GALNTL6: variants seen among roughly 807,000 people sequenced by gnomAD.
GALNTL6 encodes the protein polypeptide N-acetylgalactosaminyltransferase like 6.
Under a neutral mutation model 73.7 loss-of-function variants are expected in GALNTL6, and 46 were observed. That is an observed-to-expected ratio of 0.62 (90% CI 0.49 to 0.80). GALNTL6 has a LOEUF of 0.80. Among genes scored for constraint, GALNTL6 ranks in the 30% least tolerant of loss-of-function variants. The probability of loss-of-function intolerance (pLI) is 0.00; values close to 1 mark genes in which losing one functional copy is unlikely to be tolerated. For missense variants in GALNTL6, 604 were observed against 755.0 expected (o/e 0.80, Z 2.34); for synonymous variants, 259 against 263.7 (o/e 0.98, Z 0.17).
At chr4:171,940,442 A>G (rs1738495366) in intron 2 of GALNTL6, among the ~76,000 whole-genome samples, 1 of 152,132 alleles carries the variant, frequency 6.6e-6, no homozygotes, top group Admixed American at 6.6e-5. Flanking sequence ...TCAAGAACAT[A>G]ATGGGGAGTT....
At chr4:172,917,752 G>T (rs1414386425) in intron 8 of GALNTL6, among the ~76,000 whole-genome samples, 6 of 152,204 alleles carry the variant, frequency 3.9e-5, no homozygotes, top group Non-Finnish European at 8.8e-5. Flanking sequence ...GGAAACAACA[G>T]GTGCTGGAGA....
At chr4:171,928,815 G>A (rs999483163) in intron 2 of GALNTL6, among the ~76,000 whole-genome samples, 1 of 152,162 alleles carries the variant, frequency 6.6e-6, no homozygotes, top group Non-Finnish European at 1.5e-5. Context: ...ATACCACAGA[G>A]CCTAGGTGTG....
chr4:172,314,972 C>T (rs1027942211), intron 4 of GALNTL6, among the ~76,000 whole-genome samples: 3 of 151,992 alleles, frequency 2.0e-5, no homozygotes, highest in South Asian at 2.1e-4. Context: ...AAATAAACTG[C>T]TTTTTTTGGC....
intron 5 of GALNTL6, chr4:172,667,253 T>C (rs2111194913): frequency 6.6e-6 from 1 of 152,344 alleles, no homozygotes; most frequent in South Asian, 2.1e-4. Context: ...ACTGGCTCCA[T>C]CACCTGTGTT....
intron 7 of GALNTL6, among the ~76,000 whole-genome samples, chr4:172,864,184 T>C (rs944881469): frequency 7.2e-5 from 11 of 152,186 alleles, no homozygotes; most frequent in Admixed American, 2.0e-4. Flanking sequence ...ATTAGCAGCA[T>C]GAGAACAGAC....
At chr4:172,279,482 C>G (rs1216549811) in intron 3 of GALNTL6, among the ~76,000 whole-genome samples, 1 of 152,056 alleles carries the variant, frequency 6.6e-6, no homozygotes, top group Non-Finnish European at 1.5e-5. Flanking sequence ...CACTAATCAT[C>G]AGGGAAATAC....
intron 5 of GALNTL6, among the ~76,000 whole-genome samples, chr4:172,474,883 T>C (rs1469418551): frequency 6.6e-6 from 1 of 152,190 alleles, no homozygotes; most frequent in Non-Finnish European, 1.5e-5. Context: ...TCAATACTGA[T>C]TTACATTAAT....
At chr4:172,496,413 G>C (rs779672667) in intron 5 of GALNTL6, among the ~76,000 whole-genome samples, 85 of 152,142 alleles carry the variant, frequency 5.6e-4, no homozygotes, top group Non-Finnish European at 1.0e-3. Context: ...GTTGTGGCCA[G>C]GTGCAGTGGC....
At chr4:172,396,760 G>A (rs965782212) in intron 5 of GALNTL6, among the ~76,000 whole-genome samples, 5 of 152,106 alleles carry the variant, frequency 3.3e-5, no homozygotes, top group Non-Finnish European at 5.9e-5. Flanking sequence ...ATAATTGCAT[G>A]GATGCCACTT....
intron 2 of GALNTL6, among the ~76,000 whole-genome samples, chr4:171,955,185 T>C (rs886911062): frequency 9.2e-5 from 14 of 152,148 alleles, no homozygotes; most frequent in Non-Finnish European, 2.1e-4. Context: ...GATTTTCTTT[T>C]ATTTACATTG....
At chr4:171,961,071 T>A (rs149752732) in intron 2 of GALNTL6, among the ~76,000 whole-genome samples, 1 of 152,224 alleles carries the variant, frequency 6.6e-6, no homozygotes, top group Non-Finnish European at 1.5e-5. Flanking sequence ...CAGTAACATC[T>A]TCCTGGAAAA....
At chr4:172,143,973 A>G (rs1025962215) in intron 2 of GALNTL6, among the ~76,000 whole-genome samples, 1 of 152,118 alleles carries the variant, frequency 6.6e-6, no homozygotes, top group African/African-American at 2.4e-5. Flanking sequence ...AATTTTCTCA[A>G]GAGTCCTATA....
intron 8 of GALNTL6, among the ~76,000 whole-genome samples, chr4:172,914,782 C>A (rs1747410615): frequency 6.6e-6 from 1 of 152,026 alleles, no homozygotes; most frequent in African/African-American, 2.4e-5. Flanking sequence ...AGATATAGAC[C>A]CCCAAGCAAT....
intron 2 of GALNTL6, among the ~76,000 whole-genome samples, chr4:172,003,765 T>C (rs1326060288): frequency 6.6e-6 from 1 of 152,090 alleles, no homozygotes; most frequent in Non-Finnish European, 1.5e-5. Context: ...TCTTTTCATT[T>C]CTGGACCTAG....
chr4:171,824,331 G>C (rs549153), intron 2 of GALNTL6, among the ~76,000 whole-genome samples: 104,980 of 151,350 alleles, frequency 0.69, 38,639 homozygotes, highest in Admixed American at 0.83. Flanking sequence ...ATGGACACTA[G>C]CTCCAGACTC....
At chr4:172,614,723 G>A (rs937845404) in intron 5 of GALNTL6, among the ~76,000 whole-genome samples, 2 of 152,140 alleles carry the variant, frequency 1.3e-5, no homozygotes, top group Non-Finnish European at 2.9e-5. Flanking sequence ...CAGCCCTGCT[G>A]ACCAGATTGG....
chr4:172,034,338 G>A (rs17057954), intron 2 of GALNTL6, among the ~76,000 whole-genome samples: 6,026 of 151,448 alleles, frequency 0.04, 279 homozygotes, highest in African/African-American at 0.1. Flanking sequence ...CATAGGGGCA[G>A]GCAACCCATA....
chr4:172,379,743 T>A (rs11942395), intron 5 of GALNTL6, among the ~76,000 whole-genome samples: 3,126 of 152,234 alleles, frequency 0.021, 102 homozygotes, highest in African/African-American at 0.07. Flanking sequence ...CACAGTGCTT[T>A]ACACTTAAAC....
At chr4:172,590,279 C>G (rs1737582907) in intron 5 of GALNTL6, among the ~76,000 whole-genome samples, 1 of 152,104 alleles carries the variant, frequency 6.6e-6, no homozygotes, top group Admixed American at 6.6e-5. Flanking sequence ...TGGAATGCAA[C>G]AGGGAGCAAC....
Sources: allele counts gnomAD v4.1 joint callset (sites outside exome capture counted in the v4.1 genomes callset), GRCh38; gene constraint gnomAD v4.1.1; transcripts MANE v1.5; gene names NCBI Gene and HGNC (gene_info 2026-07-23, HGNC 2026-07-21).